GARIN3: variants seen among roughly 807,000 people sequenced by gnomAD.
GARIN3 encodes Golgi-associated RAB2 interactor protein 3.
chr5:157,162,864 G>C, the GARIN3 span: 1 of 1,614,182 alleles, frequency 6.2e-7, no homozygotes. Flanking sequence ...ATGCGGACCG[G>C]TGGGAAGACG....
chr5:157,166,225 A>G, the GARIN3 span: 5 of 1,558,244 alleles, frequency 3.2e-6, no homozygotes, highest in East Asian at 2.3e-5. Context: ...CGAGAGAGAG[A>G]CGGAGAGAAG....
At chr5:157,165,550 T>C in the GARIN3 span, 6 of 1,595,918 alleles carry the variant, frequency 3.8e-6, no homozygotes, top group Non-Finnish European at 5.1e-6. Flanking sequence ...TCTCGAGCCT[T>C]TGAGAGGCTT....
At chr5:157,163,650 C>G in the GARIN3 span, 1 of 1,612,438 alleles carries the variant, frequency 6.2e-7, no homozygotes, top group South Asian at 1.1e-5. Context: ...CTCTGTGGAG[C>G]TCTGCAGCCT....
At chr5:157,164,571 C>T in the GARIN3 span, among the ~76,000 whole-genome samples, 1 of 152,178 alleles carries the variant, frequency 6.6e-6, no homozygotes, top group African/African-American at 2.4e-5. Flanking sequence ...ATTCCTCATC[C>T]TTGGACATTG....
the GARIN3 span, chr5:157,163,248 C>A: frequency 1.1e-5 from 18 of 1,614,170 alleles, no homozygotes; most frequent in East Asian, 2.2e-5. Context: ...AGCTAATACC[C>A]TCTGAGGATA....
chr5:157,162,256 G>A, the GARIN3 span: 12,648 of 831,940 alleles, frequency 0.015, 144 homozygotes, highest in Non-Finnish European at 0.017. Context: ...TCCAGCTGTA[G>A]CATAGCCACC....
At chr5:157,164,711 G>T in the GARIN3 span, among the ~76,000 whole-genome samples, 2 of 152,094 alleles carry the variant, frequency 1.3e-5, no homozygotes, top group Non-Finnish European at 2.9e-5. Flanking sequence ...ACACACACAG[G>T]GTGTGCTGAT....
the GARIN3 span, chr5:157,163,293 A>C: frequency 6.2e-7 from 1 of 1,614,038 alleles, no homozygotes; most frequent in Non-Finnish European, 8.5e-7. Flanking sequence ...TGCTGGATTC[A>C]TTTTCTCCTG....
At chr5:157,163,030 T>C in the GARIN3 span, 3 of 1,614,266 alleles carry the variant, frequency 1.9e-6, no homozygotes, top group Non-Finnish European at 2.5e-6. Context: ...CTGGCTTCCA[T>C]CTCGTTCACT....
chr5:157,164,683 G>A, the GARIN3 span, among the ~76,000 whole-genome samples: 24 of 152,122 alleles, frequency 1.6e-4, no homozygotes, highest in Admixed American at 6.5e-4. Flanking sequence ...TGACTACTAC[G>A]ATTGTGCACG....
chr5:157,163,188 C>T, the GARIN3 span: 13 of 1,614,006 alleles, frequency 8.1e-6, no homozygotes, highest in East Asian at 4.5e-5. Context: ...CCCCCGCCAT[C>T]GAGGTGGAAG....
At chr5:157,165,764 A>T in the GARIN3 span, 2 of 1,614,004 alleles carry the variant, frequency 1.2e-6, no homozygotes, top group Non-Finnish European at 1.7e-6. Flanking sequence ...GCTGTTTCTC[A>T]TGATCGTGGA....
the GARIN3 span, chr5:157,163,316 C>T: frequency 3.1e-6 from 5 of 1,614,176 alleles, no homozygotes; most frequent in South Asian, 1.1e-5. Flanking sequence ...TTTTTGATAG[C>T]TGCTCCCGCC....
At chr5:157,162,209 CG>C in the GARIN3 span, 2 of 574,148 alleles carry the variant, frequency 3.5e-6, no homozygotes, top group Non-Finnish European at 5.9e-6. Flanking sequence ...TGGCCGTGGG[CG>C]GGTGGTGGAG....
At chr5:157,162,111 A>G in the GARIN3 span, 1 of 326,158 alleles carries the variant, frequency 3.1e-6, no homozygotes, top group Admixed American at 4.6e-5. Flanking sequence ...GGTGGTGGCC[A>G]TGCATCCCAG....
the GARIN3 span, chr5:157,163,161 T>C: frequency 6.2e-7 from 1 of 1,614,216 alleles, no homozygotes; most frequent in Non-Finnish European, 8.5e-7. Flanking sequence ...AGCTGCTGTC[T>C]TGGGAGAGAC....
At chr5:157,163,552 T>C in the GARIN3 span, 1 of 1,614,182 alleles carries the variant, frequency 6.2e-7, no homozygotes. Context: ...GGAGGCATGT[T>C]GGATTCCCTC....
At chr5:157,163,322 C>G in the GARIN3 span, 2 of 1,614,118 alleles carry the variant, frequency 1.2e-6, no homozygotes, top group Non-Finnish European at 1.7e-6. Flanking sequence ...ATAGCTGCTC[C>G]CGCCAGCGCT....
the GARIN3 span, chr5:157,162,546 T>A: frequency 6.2e-7 from 1 of 1,614,180 alleles, no homozygotes; most frequent in South Asian, 1.1e-5. Flanking sequence ...CTTTCTCCAC[T>A]TTGGCCTCTA....
Sources: gnomAD v4.1 joint callset for allele counts (sites outside exome capture counted in the v4.1 genomes callset) on GRCh38, gnomAD v4.1.1 for gene constraint, MANE v1.5 for transcripts, NCBI Gene and HGNC (gene_info 2026-07-23, HGNC 2026-07-21) for gene names.